TNKS2: variants seen among roughly 807,000 people sequenced by gnomAD.
TNKS2 encodes poly [ADP-ribose] polymerase tankyrase-2.
A neutral mutation model predicts 137.6 loss-of-function variants in TNKS2; 72 were observed. That is an observed-to-expected ratio of 0.52 (90% CI 0.43 to 0.64). The LOEUF is 0.64. Ranked by LOEUF, TNKS2 falls within the 30% of genes least tolerant of loss-of-function variation. The pLI is 0.00. For missense variants in TNKS2, 1,049 were observed against 1,410.2 expected (o/e 0.74, Z 4.10); for synonymous variants, 516 against 512.1 (o/e 1.01, Z -0.10).
chr10:91,862,595 G>A (rs1241305430), intron 26 of TNKS2, among the ~76,000 whole-genome samples: 2 of 152,120 alleles, frequency 1.3e-5, no homozygotes. Flanking sequence ...CCATAGCAAA[G>A]AAGTATATAA....
chr10:91,832,813 A>T (rs1349375127), intron 11 of TNKS2, among the ~76,000 whole-genome samples: 3 of 151,660 alleles, frequency 2.0e-5, no homozygotes, highest in African/African-American at 7.3e-5. Flanking sequence ...TTTTTTTTTT[A>T]TTGTGAAAAA....
chr10:91,799,534 TATA>T (rs1251328033), intron 1 of TNKS2, among the ~76,000 whole-genome samples: 1 of 152,188 alleles, frequency 6.6e-6, no homozygotes, highest in East Asian at 1.9e-4. Context: ...AAAGTGGTAG[TATA>T]AGAGAAAAGA....
chr10:91,819,388 CTT>C (rs1844814100), intron 4 of TNKS2, 82 bp downstream of exon 4: 2 of 1,292,864 alleles, frequency 1.5e-6, no homozygotes, highest in Middle Eastern at 2.0e-4. Flanking sequence ...AGTAAGCAAA[CTT>C]TAAAAAGAAT....
chr10:91,854,505 A>G (rs1842644311), intron 21 of TNKS2, among the ~76,000 whole-genome samples: 2 of 152,348 alleles, frequency 1.3e-5, no homozygotes, highest in African/African-American at 2.4e-5. Flanking sequence ...CTATGGTTAT[A>G]TAAAATGGTA....
In TNKS2 at chr10:91,841,330, T is replaced by G; in HGVS notation, c.1721T>G (p.Val574Gly). 1 of 1,603,338 alleles carries G rather than the reference T, an allele frequency of 6.2e-7. No homozygotes were observed. The highest frequency in any genetic ancestry group is 8.5e-7 in the Non-Finnish European group (1 of 1,174,918). The part of the protein sequence containing the change: ...HNACSYGHYE[V>G]AELLVKHGAV... ...GCATGTTCTTATGGACATTATGAAGTTGCAGAACTTCTTGTTAAACATGGA... is the reference window on the plus strand; with the variant it reads ...GCATGTTCTTATGGACATTATGAAGGTGCAGAACTTCTTGTTAAACATGGA... The change falls in exon 15 of 27, where the codon GTT becomes GGT. Residue 574 changes from valine (V) to glycine (G), a missense_variant. By Grantham distance (109) the Val-to-Gly change is moderately radical. Around this residue, in one of 6 missense-constraint regions of TNKS2, gnomAD observed 328 missense variants for 436.0 expected, o/e 0.75. Coordinates refer to ENST00000371627, the MANE Select transcript of TNKS2 (RefSeq NM_025235.4).
intron 1 of TNKS2, among the ~76,000 whole-genome samples, chr10:91,803,445 C>T (rs1468711251): frequency 6.6e-6 from 1 of 152,086 alleles, no homozygotes; most frequent in Non-Finnish European, 1.5e-5. Context: ...AGTTCAAGAG[C>T]AGCCTGGGCA....
At position 91,819,285 on chromosome 10, in the gene TNKS2, A is replaced by G. The variant is rs763418279; in HGVS notation, c.536A>G (p.Asp179Gly). The change falls in exon 4 of 27, where the codon GAT becomes GGT. Residue 179 changes from aspartate (D) to glycine (G), a missense_variant. Around this residue, in one of 6 missense-constraint regions of TNKS2, gnomAD observed 374 missense variants for 460.8 expected, o/e 0.81. Transcript: ENST00000371627. Reference protein sequence around the residue: ...KAVLTGEYKKDELLESARSGN... With the variant: ...KAVLTGEYKKGELLESARSGN... ...TAATTCACAGGTGAATATAAGAAAG[A>G]TGAACTCTTAGAAAGTGCCAGGTAC... is the stretch of plus-strand genomic sequence containing the variant. 9.6e-6 allele frequency: 14 copies of G among 1,453,734 alleles called. No individual in the cohort carries two copies. The South Asian group carries it at 1.9e-4, about 20-fold the overall frequency. The allele number at this position is 1,453,734 out of a possible 1,614,324, so 90.1% of individuals were successfully genotyped here. A position where few individuals can be genotyped will look rare whatever the true frequency, so the allele number is the denominator to read the frequency against.
chr10:91,844,618 C>A (rs1842309684), intron 16 of TNKS2, among the ~76,000 whole-genome samples: 1 of 152,124 alleles, frequency 6.6e-6, no homozygotes, highest in South Asian at 2.1e-4. Flanking sequence ...AGGAAAGATA[C>A]AAGCAAATCA....
intron 1 of TNKS2, chr10:91,807,366 G>A (rs1791810983): frequency 1.2e-6 from 2 of 1,614,122 alleles, no homozygotes; most frequent in Non-Finnish European, 1.7e-6. Flanking sequence ...AACCACACGT[G>A]CCTTCATAGG....
At chr10:91,843,673 C>CTATA (rs1842281698) in intron 16 of TNKS2, among the ~76,000 whole-genome samples, 1 of 152,278 alleles carries the variant, frequency 6.6e-6, no homozygotes, top group African/African-American at 2.4e-5. Context: ...AATCACTGAG[C>CTATA]TATAGCTAAT....
chr10:91,847,762 C>A (rs571595944), intron 18 of TNKS2, among the ~76,000 whole-genome samples: 22 of 152,184 alleles, frequency 1.4e-4, no homozygotes, highest in Non-Finnish European at 1.6e-4. Flanking sequence ...CCAGGAAATA[C>A]AAACAATTCA....
chr10:91,799,336 G>T, intron 1 of TNKS2, among the ~76,000 whole-genome samples: 1 of 152,192 alleles, frequency 6.6e-6, no homozygotes, highest in Non-Finnish European at 1.5e-5. Flanking sequence ...AAAATACAAG[G>T]ATGTAATTTA....
chr10:91,802,431 T>C (rs1844199971), intron 1 of TNKS2, among the ~76,000 whole-genome samples: 2 of 152,226 alleles, frequency 1.3e-5, no homozygotes, highest in African/African-American at 4.8e-5. Flanking sequence ...GGTGGAAGGT[T>C]ACAAGGGGTC....
intron 13 of TNKS2, among the ~76,000 whole-genome samples, chr10:91,839,999 C>T (rs1028529122): frequency 2.0e-5 from 3 of 152,082 alleles, no homozygotes; most frequent in Non-Finnish European, 2.9e-5. Context: ...TATATAGTAG[C>T]GGTAATGATA....
intron 2 of TNKS2, among the ~76,000 whole-genome samples, chr10:91,814,677 G>A (rs1463130572): frequency 6.6e-6 from 1 of 152,080 alleles, no homozygotes; most frequent in African/African-American, 2.4e-5. Context: ...ACTTACCATT[G>A]TATTACAGTT....
intron 7 of TNKS2, among the ~76,000 whole-genome samples, chr10:91,824,193 G>A (rs549724770): frequency 6.6e-6 from 1 of 152,320 alleles, no homozygotes; most frequent in African/African-American, 2.4e-5. Flanking sequence ...GCAAAGTCAG[G>A]AGAAAGCAAG....
intron 23 of TNKS2, 98 bp from the exon 24 acceptor site, chr10:91,857,327 C>A: frequency 1.6e-6 from 1 of 640,072 alleles, no homozygotes; most frequent in South Asian, 3.3e-5. Flanking sequence ...TACAGTTTTG[C>A]CTACCTTCTA....
Position 91,864,017 on chromosome 10 carries a change from T to A in TNKS2, c.*1018T>A, listed in dbSNP as rs915886363. ...AAAATCACAAACAGGACTGGGTAGTTTTTTATCCTAAGTATATTTTTTCCT... is the reference window on the plus strand; with the variant it reads ...AAAATCACAAACAGGACTGGGTAGTATTTTATCCTAAGTATATTTTTTCCT... On this transcript the variant is annotated 3_prime_UTR_variant, in exon 27 of 27. Transcript: ENST00000371627. 1.3e-5 allele frequency: 2 copies of A among 152,148 alleles called. No individual in the cohort carries two copies. Among genetic ancestry groups the A allele is most frequent in the African/African-American group, 2.4e-5 (1 of 41,430 alleles). 9.4% of individuals were successfully genotyped at this position (152,148 alleles called of 1,614,324 possible). A position where few individuals can be genotyped will look rare whatever the true frequency, so the allele number is the denominator to read the frequency against.
chr10:91,852,878 G>A lies in TNKS2; in HGVS notation c.2815+1542G>A, dbSNP rs140119284. On this transcript the variant is annotated intron_variant, in intron 21 of 26. Transcript: ENST00000371627. Reference sequence around the variant, plus strand: ...TAAAGGTAGATGTATTTTACTGCCTGATAAGGACTAGGATAAGAAATTTAA... The same window carrying A: ...TAAAGGTAGATGTATTTTACTGCCTAATAAGGACTAGGATAAGAAATTTAA... 3.7e-4 allele frequency among the ~76,000 whole-genome samples: 57 copies of A among 152,332 alleles called. No homozygotes were observed. In the East Asian group the frequency reaches 8.7e-3, roughly 23 times the overall value.
Sources: gnomAD v4.1 joint callset for allele counts (sites outside exome capture counted in the v4.1 genomes callset) on GRCh38, gnomAD v4.1.1 for gene constraint, gnomAD v4.1.1 regional missense constraint, MANE v1.5 for transcripts, NCBI Gene and HGNC (gene_info 2026-07-23, HGNC 2026-07-21) for gene names.